Variants in GPR174 observed in about 807,000 individuals in gnomAD.
GPR174 encodes G protein-coupled receptor 174.
GPR174 carries 8 observed loss-of-function variants against 16.5 expected under a neutral mutation model. The observed-to-expected ratio is 0.48, with a 90% CI of 0.28 to 0.87. The LOEUF (loss-of-function observed/expected upper bound fraction) is 0.87. Ranked by LOEUF, GPR174 falls within the 40% of genes least tolerant of loss-of-function variation. GPR174 has a pLI of 0.09. For synonymous variants in GPR174, 111 were observed against 94.8 expected, an observed-to-expected ratio of 1.17 and a Z score of -0.99; for missense variants, 214 against 247.5, an observed-to-expected ratio of 0.86 and a Z score of 0.91.
intron 2 of GPR174, among the ~76,000 whole-genome samples, chrX:79,168,139 T>C (rs975700350): frequency 2.9e-4 from 32 of 112,079 alleles, no homozygotes; most frequent in African/African-American, 1.0e-3. Flanking sequence ...TTTTCTCTTC[T>C]GTCCAGAACT....
intron 1 of GPR174, among the ~76,000 whole-genome samples, chrX:79,152,060 C>A (rs761914298): frequency 1.3e-4 from 15 of 111,993 alleles, no homozygotes; most frequent in Non-Finnish European, 2.5e-4. Context: ...ATATGAGCCT[C>A]TGTTAGAGAT....
At chrX:79,145,806 A>G (rs1043380742) in intron 1 of GPR174, among the ~76,000 whole-genome samples, 7 of 111,843 alleles carry the variant, frequency 6.3e-5, no homozygotes, top group Non-Finnish European at 3.8e-5. Context: ...AGATATAAAG[A>G]TTCTGTTTTC....
rs1362121232 is a variant in GPR174 at position 79,171,931 on chromosome X, G to T, written c.924G>T (p.Leu308Phe). Reference sequence around the variant, plus strand: ...GAAGACGGCTTTCAAGACAAGATTTGCATGACAGCATCCAACTCCATGCAA... The same window carrying T: ...GAAGACGGCTTTCAAGACAAGATTTTCATGACAGCATCCAACTCCATGCAA... ...EFRRRLSRQD[L>F]HDSIQLHAKS... Residue 308 changes from leucine (L) to phenylalanine (F), a missense_variant, in exon 3 of 3, where the codon TTG becomes TTT. Transcript: ENST00000645147. 4 of 1,209,809 alleles carry T rather than the reference G, an allele frequency of 3.3e-6. No homozygotes were observed. The highest frequency in any genetic ancestry group is 4.5e-6 in the Non-Finnish European group (4 of 894,547).
rs189873442 is a variant in GPR174 at position 79,168,738 on chromosome X, G to A, written c.-556-1714G>A. 4.0e-3 allele frequency among the ~76,000 whole-genome samples: 442 copies of A among 110,226 alleles called. 6 individuals are homozygous for A. The South Asian group carries it at 0.095, about 24-fold the overall frequency. On this transcript the variant is annotated intron_variant, in intron 2 of 2. Transcript: ENST00000645147. ...TCTCTTAAGAACAACACCAAAAAAA[G>A]GAATTAAGTAATTTGATAATCTAGT...
chrX:79,162,129 A>G (rs1921249843), intron 2 of GPR174, among the ~76,000 whole-genome samples: 1 of 111,828 alleles, frequency 8.9e-6, no homozygotes, highest in South Asian at 3.7e-4. Flanking sequence ...ATGGACATGA[A>G]GCTAGAGGGG....
At chrX:79,164,404 A>G (rs1447297799) in intron 2 of GPR174, among the ~76,000 whole-genome samples, 2 of 110,877 alleles carry the variant, frequency 1.8e-5, no homozygotes, top group Admixed American at 9.5e-5. Flanking sequence ...CAGAGTTGTC[A>G]TCACTGGTGG....
chrX:79,155,053 T>A (rs1341856626), intron 1 of GPR174, among the ~76,000 whole-genome samples: 2 of 111,999 alleles, frequency 1.8e-5, no homozygotes, highest in African/African-American at 3.2e-5. Flanking sequence ...CCTAAGAATA[T>A]TCACGATTTC....
Position 79,144,991 on chromosome X carries a change from T to C in GPR174, c.-880T>C, listed in dbSNP as rs907684226. ...CTCTTTCTTTCTTTTTCTTTCTTTCTTTCTCTCTCTCTCTCTTTCTTTCTT... is the reference window on the plus strand; with the variant it reads ...CTCTTTCTTTCTTTTTCTTTCTTTCCTTCTCTCTCTCTCTCTTTCTTTCTT... On this transcript the variant is annotated 5_prime_UTR_variant, in exon 1 of 3. Coordinates refer to ENST00000645147, the MANE Select transcript of GPR174 (RefSeq NM_032553.3). 5.2e-5 allele frequency: 3 copies of C among 57,551 alleles called. No individual in the cohort carries two copies. The highest frequency in any genetic ancestry group is 1.6e-4 in the African/African-American group (3 of 18,687). The allele number at this position is 57,551 out of a possible 1,213,427, so 4.7% of individuals were successfully genotyped here.
Position 79,173,842 on chromosome X carries a change from C to T in GPR174, c.*1833C>T, listed in dbSNP as rs1921576313. On this transcript the variant is annotated 3_prime_UTR_variant, in exon 3 of 3. Coordinates refer to ENST00000645147, the MANE Select transcript of GPR174 (RefSeq NM_032553.3). ...TTAAACTGTATTTTAAATAGGGCAT[C>T]TATAACTGTGTCTTGTCTCTTTGCT... 1 of 112,006 alleles carries T rather than the reference C, an allele frequency of 8.9e-6. No individual in the cohort carries two copies. Among genetic ancestry groups the T allele is most frequent in the African/African-American group, 3.2e-5 (1 of 30,856 alleles). 9.2% of individuals were successfully genotyped at this position (112,006 alleles called of 1,213,427 possible). A position where few individuals can be genotyped will look rare whatever the true frequency, so the allele number is the denominator to read the frequency against.
intron 1 of GPR174, among the ~76,000 whole-genome samples, chrX:79,156,563 A>G (rs866943006): frequency 8.9e-6 from 1 of 112,086 alleles, no homozygotes; most frequent in Non-Finnish European, 1.9e-5. Flanking sequence ...GGAGTGACAC[A>G]TGAACTTTTC....
At chrX:79,157,037 T>A (rs1169789622) in intron 2 of GPR174, 119 bp downstream of exon 2, 1 of 112,231 alleles carries the variant, frequency 8.9e-6, no homozygotes, top group Non-Finnish European at 1.9e-5. Context: ...GCACATTTGC[T>A]GGTCTACTTG....
intron 1 of GPR174, among the ~76,000 whole-genome samples, chrX:79,150,959 G>A (rs1198976632): frequency 1.8e-5 from 2 of 111,334 alleles, no homozygotes; most frequent in Non-Finnish European, 3.8e-5. Context: ...CAGGTCCAAA[G>A]TCTCACCATG....
chrX:79,145,568 A>G (rs189060763), intron 1 of GPR174, among the ~76,000 whole-genome samples: 1 of 111,821 alleles, frequency 8.9e-6, no homozygotes, highest in African/African-American at 3.2e-5. Context: ...GCTTACATAA[A>G]GGTGCAGGAT....
rs781200819 is a variant in GPR174 at position 79,172,776 on chromosome X, G to A, written c.*767G>A. 5.4e-5 allele frequency: 6 copies of A among 111,589 alleles called. No homozygotes were observed. The highest frequency in any genetic ancestry group is 3.8e-4 in the South Asian group (1 of 2,657). The allele number at this position is 111,589 out of a possible 1,213,427, so 9.2% of individuals were successfully genotyped here. Reference sequence around the variant, plus strand: ...AAGTCCATACAAGGTGACTCAATTGGGCTCTAGGCCTAGGAGAAAGCAGAA... The same window carrying A: ...AAGTCCATACAAGGTGACTCAATTGAGCTCTAGGCCTAGGAGAAAGCAGAA... On this transcript the variant is annotated 3_prime_UTR_variant, in exon 3 of 3. Coordinates refer to ENST00000645147, the MANE Select transcript of GPR174 (RefSeq NM_032553.3).
At chrX:79,149,340 T>G (rs1190886173) in intron 1 of GPR174, among the ~76,000 whole-genome samples, 4 of 111,753 alleles carry the variant, frequency 3.6e-5, no homozygotes, top group Admixed American at 9.5e-5. Context: ...ACCTTATAAA[T>G]GTATCCGTTG....
intron 2 of GPR174, among the ~76,000 whole-genome samples, chrX:79,157,180 G>T (rs1176518668): frequency 9.0e-6 from 1 of 111,230 alleles, no homozygotes; most frequent in Non-Finnish European, 1.9e-5. Flanking sequence ...AGTCTTTTTT[G>T]CCTGAGACAG....
At chrX:79,160,636 C>G (rs1201989479) in intron 2 of GPR174, among the ~76,000 whole-genome samples, 1 of 111,304 alleles carries the variant, frequency 9.0e-6, no homozygotes, top group African/African-American at 3.3e-5. Flanking sequence ...AGATGTATAC[C>G]TTGGTGTGGT....
intron 2 of GPR174, among the ~76,000 whole-genome samples, chrX:79,163,213 A>G (rs1602341047): frequency 8.9e-6 from 1 of 112,428 alleles, no homozygotes; most frequent in African/African-American, 3.2e-5. Flanking sequence ...GAAATATGTC[A>G]GTCTAAAATA....
intron 1 of GPR174, among the ~76,000 whole-genome samples, chrX:79,147,768 G>A (rs1266884493): frequency 9.0e-6 from 1 of 111,143 alleles, no homozygotes; most frequent in Non-Finnish European, 1.9e-5. Flanking sequence ...AGAGTGTGAG[G>A]AAGATAAATA....
Sources: allele counts gnomAD v4.1 joint callset (sites outside exome capture counted in the v4.1 genomes callset), GRCh38; gene constraint gnomAD v4.1.1; transcripts MANE v1.5; gene names NCBI Gene and HGNC (gene_info 2026-07-23, HGNC 2026-07-21).